The following DIP2B variants were observed in gnomAD, a reference collection of about 807,000 sequenced individuals.
DIP2B encodes the protein disco-interacting protein 2 homolog B.
Under a neutral mutation model 198.0 loss-of-function variants are expected in DIP2B, and 76 were observed. That is an observed-to-expected ratio of 0.38 (90% CI 0.32 to 0.46). The LOEUF (loss-of-function observed/expected upper bound fraction) is 0.46. Among genes scored for constraint, DIP2B ranks in the 20% least tolerant of loss-of-function variants. DIP2B has a pLI of 0.99. For missense variants in DIP2B, 1,559 were observed against 1,978.4 expected, an observed-to-expected ratio of 0.79 and a Z score of 4.02; for synonymous variants, 701 against 739.1, an observed-to-expected ratio of 0.95 and a Z score of 0.84.
chr12:50,667,711 T>C (rs1938780972), intron 4 of DIP2B, among the ~76,000 whole-genome samples: 1 of 152,238 alleles, frequency 6.6e-6, no homozygotes, highest in African/African-American at 2.4e-5. Flanking sequence ...CAGTTTCTGC[T>C]ATCTTTCCCT....
intron 1 of DIP2B, among the ~76,000 whole-genome samples, chr12:50,606,587 G>A (rs1377803122): frequency 6.6e-6 from 1 of 152,144 alleles, no homozygotes; most frequent in African/African-American, 2.4e-5. Flanking sequence ...GTGGTTTTTA[G>A]CTGATCTTCA....
At chr12:50,738,993 T>C (rs1469698106) in intron 35 of DIP2B, among the ~76,000 whole-genome samples, 1 of 152,218 alleles carries the variant, frequency 6.6e-6, no homozygotes, top group African/African-American at 2.4e-5. Flanking sequence ...GCTTCCACAG[T>C]TATCCCGGAA....
intron 1 of DIP2B, among the ~76,000 whole-genome samples, chr12:50,562,110 T>C (rs886975101): frequency 3.3e-5 from 5 of 152,174 alleles, no homozygotes; most frequent in African/African-American, 1.2e-4. Flanking sequence ...AGTAAATTAT[T>C]TTAGTTATCT....
chr12:50,695,144 T>G, intron 14 of DIP2B, 123 bp from the exon 15 acceptor site: 2 of 686,318 alleles, frequency 2.9e-6, no homozygotes, highest in Non-Finnish European at 4.6e-6. Context: ...AAGATTGTTT[T>G]CAAAGAGTGT....
intron 1 of DIP2B, among the ~76,000 whole-genome samples, chr12:50,510,207 A>T (rs1344962785): frequency 1.3e-5 from 2 of 152,260 alleles, no homozygotes; most frequent in Non-Finnish European, 1.5e-5. Context: ...AAAAAAAATC[A>T]GAATGATTGT....
chr12:50,508,993 C>T (rs930578321), intron 1 of DIP2B, among the ~76,000 whole-genome samples: 2 of 152,182 alleles, frequency 1.3e-5, no homozygotes, highest in African/African-American at 4.8e-5. Context: ...AGCCACTGCA[C>T]CTGGCCCTAA....
intron 1 of DIP2B, among the ~76,000 whole-genome samples, chr12:50,551,664 G>A (rs1193924569): frequency 6.6e-6 from 1 of 152,128 alleles, no homozygotes; most frequent in East Asian, 1.9e-4. Flanking sequence ...AGCTGGTCTT[G>A]AACTCCTGAG....
chr12:50,670,652 G>A (rs914434965), intron 4 of DIP2B, among the ~76,000 whole-genome samples: 11 of 151,974 alleles, frequency 7.2e-5, no homozygotes, highest in African/African-American at 2.4e-4. Context: ...CCTGACCTCA[G>A]GTGATCTGCC....
At chr12:50,527,345 A>T (rs1958175977) in intron 1 of DIP2B, among the ~76,000 whole-genome samples, 1 of 152,196 alleles carries the variant, frequency 6.6e-6, no homozygotes, top group African/African-American at 2.4e-5. Flanking sequence ...ACGTTATCTC[A>T]GGTCTCTTTG....
chr12:50,510,492 C>G (rs1958004594), intron 1 of DIP2B, among the ~76,000 whole-genome samples: 1 of 152,170 alleles, frequency 6.6e-6, no homozygotes, highest in South Asian at 2.1e-4. Context: ...ATATGACTGG[C>G]TAAAAAGGGC....
At position 50,721,625 on chromosome 12, in the gene DIP2B, A is replaced by G. The variant is rs149693160; in HGVS notation, c.3166+229A>G. ...TCTGTTTTTGTACCTTTAGATTTCTATTAGTGCCTGGCACATAAAAGGCAC... is the reference window on the plus strand; with the variant it reads ...TCTGTTTTTGTACCTTTAGATTTCTGTTAGTGCCTGGCACATAAAAGGCAC... On this transcript the variant is annotated intron_variant, in intron 26 of 37. Coordinates refer to ENST00000301180, the MANE Select transcript of DIP2B (RefSeq NM_173602.3). Among the ~76,000 whole-genome samples the G allele has an allele frequency of 2.2e-3, 332 of 152,298 alleles. 2 individuals carry two copies. The highest frequency in any genetic ancestry group is 7.1e-3 in the African/African-American group (295 of 41,564).
intron 27 of DIP2B, among the ~76,000 whole-genome samples, chr12:50,724,356 A>C (rs1939892876): frequency 6.6e-6 from 1 of 152,184 alleles, no homozygotes; most frequent in African/African-American, 2.4e-5. Flanking sequence ...TGTATGGGCT[A>C]GGTGTAGTAA....
chr12:50,583,190 C>A (rs148343231), intron 1 of DIP2B, among the ~76,000 whole-genome samples: 1 of 152,130 alleles, frequency 6.6e-6, no homozygotes, highest in African/African-American at 2.4e-5. Context: ...TTCCTCAAAC[C>A]CACACACATG....
At chr12:50,621,699 G>C (rs544124512) in intron 1 of DIP2B, among the ~76,000 whole-genome samples, 1 of 152,320 alleles carries the variant, frequency 6.6e-6, no homozygotes, top group East Asian at 1.9e-4. Context: ...AGGCGCACTA[G>C]GAGGAAGTAG....
chr12:50,723,615 G>A (rs972405395), intron 27 of DIP2B, among the ~76,000 whole-genome samples: 1 of 152,156 alleles, frequency 6.6e-6, no homozygotes, highest in Admixed American at 6.5e-5. Flanking sequence ...GCCAGGCATT[G>A]TGGCACTTGC....
intron 2 of DIP2B, among the ~76,000 whole-genome samples, chr12:50,629,846 G>A (rs1029770258): frequency 2.6e-5 from 4 of 151,878 alleles, no homozygotes; most frequent in Non-Finnish European, 4.4e-5. Flanking sequence ...GCAAGTTACA[G>A]GCTTAAAAGT....
chr12:50,697,742 G>A (rs1260890176), intron 17 of DIP2B, among the ~76,000 whole-genome samples: 1 of 151,526 alleles, frequency 6.6e-6, no homozygotes, highest in African/African-American at 2.4e-5. Flanking sequence ...TGTTGCCCAG[G>A]CTGGTCTCGA....
chr12:50,593,722 T>TCCCCTCCC (rs1565837041), intron 1 of DIP2B, among the ~76,000 whole-genome samples: 11 of 4,378 alleles, frequency 2.5e-3, no homozygotes, highest in Non-Finnish European at 3.0e-3. Flanking sequence ...TCTCCTCTCC[T>TCCCCTCCC]CTCCTCTCCT....
chr12:50,526,112 CTAGAA>C (rs1322267257), intron 1 of DIP2B, among the ~76,000 whole-genome samples: 12 of 152,254 alleles, frequency 7.9e-5, no homozygotes, highest in Admixed American at 3.3e-4. Flanking sequence ...TCTCTAGTGC[CTAGAA>C]TAGAAGACTC....
Sources: allele counts gnomAD v4.1 joint callset (sites outside exome capture counted in the v4.1 genomes callset), GRCh38; gene constraint gnomAD v4.1.1; transcripts MANE v1.5; gene names NCBI Gene and HGNC (gene_info 2026-07-23, HGNC 2026-07-21).